The following BANK1 variants were observed in gnomAD, a reference collection of about 807,000 sequenced individuals.
The protein encoded by BANK1 is B cell scaffold protein with ankyrin repeats 1, also known as B-cell scaffold protein with ankyrin repeats.
BANK1 carries 95 observed loss-of-function variants against 94.5 expected under a neutral mutation model. The ratio of observed to expected loss-of-function variants is 1.00; its 90% CI spans 0.85 to 1.19. The LOEUF is 1.19. BANK1 is among the 50% of genes most tolerant of loss of function. The pLI is 0.00. For missense variants in BANK1, 987 were observed against 932.2 expected (o/e 1.06, Z -0.77); for synonymous variants, 334 against 308.4 (o/e 1.08, Z -0.87).
At chr4:101,846,958 A>G (rs771835742) in intron 2 of BANK1, among the ~76,000 whole-genome samples, 2 of 152,096 alleles carry the variant, frequency 1.3e-5, no homozygotes, top group Admixed American at 6.6e-5. Flanking sequence ...TATTTTCCTT[A>G]TTAAAAATGG....
chr4:101,925,036 G>A (rs1723110526), intron 7 of BANK1, among the ~76,000 whole-genome samples: 1 of 151,484 alleles, frequency 6.6e-6, no homozygotes, highest in East Asian at 1.9e-4. Context: ...ACCTTAGAGG[G>A]CACTTTGTCC....
chr4:101,988,412 G>A (rs2148930773), intron 7 of BANK1, among the ~76,000 whole-genome samples: 1 of 152,260 alleles, frequency 6.6e-6, no homozygotes, highest in South Asian at 2.1e-4. Flanking sequence ...ACATATGGTA[G>A]TGTCATTAAT....
At chr4:101,854,959 A>G (rs1169975685) in intron 2 of BANK1, 76 bp from the exon 3 acceptor site, 12 of 1,139,506 alleles carry the variant, frequency 1.1e-5, no homozygotes, top group Admixed American at 2.2e-5. Flanking sequence ...TTGTTTAGCA[A>G]TTAGTCTTTA....
intron 7 of BANK1, among the ~76,000 whole-genome samples, chr4:102,020,046 C>T (rs1476579021): frequency 1.3e-5 from 2 of 152,118 alleles, no homozygotes; most frequent in East Asian, 3.8e-4. Flanking sequence ...CATCCATCCA[C>T]ATACTTGCCT....
intron 5 of BANK1, among the ~76,000 whole-genome samples, chr4:101,889,050 A>C (rs1721738432): frequency 6.6e-6 from 1 of 152,044 alleles, no homozygotes; most frequent in African/African-American, 2.4e-5. Context: ...ATTTGGGGGG[A>C]TCGTTAGTAT....
chr4:101,971,248 TTG>T (rs1724942127), intron 7 of BANK1, among the ~76,000 whole-genome samples: 3 of 152,126 alleles, frequency 2.0e-5, no homozygotes, highest in Non-Finnish European at 4.4e-5. Context: ...CTGAGGTATT[TTG>T]TGGCTTTTAA....
chr4:102,067,765 A>G (rs1049572693), intron 13 of BANK1, among the ~76,000 whole-genome samples: 1 of 152,046 alleles, frequency 6.6e-6, no homozygotes, highest in East Asian at 1.9e-4. Flanking sequence ...ATCATTAAAG[A>G]TACAGAAGAC....
intron 7 of BANK1, among the ~76,000 whole-genome samples, chr4:101,959,772 C>G (rs1220817190): frequency 6.6e-6 from 1 of 152,146 alleles, no homozygotes; most frequent in Non-Finnish European, 1.5e-5. Context: ...AGCAGAGATT[C>G]ATCTGTCATG....
At chr4:101,946,959 G>C (rs942658282) in intron 7 of BANK1, among the ~76,000 whole-genome samples, 3 of 151,762 alleles carry the variant, frequency 2.0e-5, no homozygotes. Flanking sequence ...GAACTTAGTA[G>C]TTTGGTAGAC....
At chr4:101,842,928 C>T (rs993415378) in intron 2 of BANK1, among the ~76,000 whole-genome samples, 3 of 152,148 alleles carry the variant, frequency 2.0e-5, no homozygotes, top group Admixed American at 6.5e-5. Flanking sequence ...TTGATTTACA[C>T]GTATAAACTT....
chr4:102,016,482 T>G (rs1242614212), intron 7 of BANK1, among the ~76,000 whole-genome samples: 1 of 152,154 alleles, frequency 6.6e-6, no homozygotes, highest in Non-Finnish European at 1.5e-5. Context: ...ATACCCCCTC[T>G]TCACATTATG....
intron 7 of BANK1, among the ~76,000 whole-genome samples, chr4:101,997,562 T>G (rs1354854519): frequency 1.3e-5 from 2 of 152,140 alleles, no homozygotes; most frequent in African/African-American, 4.8e-5. Context: ...GGCTTTTTTT[T>G]TATTGTTAGG....
chr4:101,969,820 G>A (rs925597463), intron 7 of BANK1, among the ~76,000 whole-genome samples: 2 of 151,922 alleles, frequency 1.3e-5, no homozygotes, highest in Admixed American at 1.3e-4. Context: ...CAAAGCAAAT[G>A]GTAGGAGACC....
intron 6 of BANK1, among the ~76,000 whole-genome samples, chr4:101,915,613 A>G (rs1722802110): frequency 6.6e-6 from 1 of 152,130 alleles, no homozygotes; most frequent in Non-Finnish European, 1.5e-5. Context: ...AGTAACAAGA[A>G]TTCAATTACA....
chr4:101,997,116 T>C (rs984700013), intron 7 of BANK1, among the ~76,000 whole-genome samples: 1 of 152,160 alleles, frequency 6.6e-6, no homozygotes, highest in Admixed American at 6.5e-5. Flanking sequence ...CAATACCTAG[T>C]TTTTTGAGAG....
chr4:101,956,585 GGAT>G (rs1246059041), intron 7 of BANK1, among the ~76,000 whole-genome samples: 1 of 152,104 alleles, frequency 6.6e-6, no homozygotes, highest in Non-Finnish European at 1.5e-5. Context: ...TAGCACTTGA[GGAT>G]GATATCCAGA....
intron 7 of BANK1, among the ~76,000 whole-genome samples, chr4:101,938,285 G>T (rs888472805): frequency 6.6e-6 from 1 of 151,352 alleles, no homozygotes; most frequent in African/African-American, 2.4e-5. Context: ...TAAAATGATG[G>T]TTACCAGAGA....
At chr4:102,011,502 A>T (rs1463127356) in intron 7 of BANK1, among the ~76,000 whole-genome samples, 2 of 152,190 alleles carry the variant, frequency 1.3e-5, no homozygotes, top group African/African-American at 4.8e-5. Flanking sequence ...ATGAATAGCA[A>T]CACCCTTCGC....
chr4:102,072,577 G>GAA, intron 15 of BANK1, among the ~76,000 whole-genome samples, 177 bp downstream of exon 15: 1 of 151,348 alleles, frequency 6.6e-6, no homozygotes, highest in African/African-American at 2.4e-5. Context: ...AAATTATTTG[G>GAA]AAAAAAAACA....
Sources: allele counts gnomAD v4.1 joint callset (sites outside exome capture counted in the v4.1 genomes callset), GRCh38; gene constraint gnomAD v4.1.1; transcripts MANE v1.5; gene names NCBI Gene and HGNC (gene_info 2026-07-23, HGNC 2026-07-21).